IRAG2: variants seen among roughly 807,000 people sequenced by gnomAD.
IRAG2 encodes the protein inositol 1,4,5-triphosphate receptor associated 2.
A neutral mutation model predicts 69.9 loss-of-function variants in IRAG2; 45 were observed. The observed-to-expected ratio is 0.64, with a 90% CI of 0.51 to 0.83. IRAG2 has a LOEUF of 0.83. Ranked by LOEUF, IRAG2 falls within the 40% of genes least tolerant of loss-of-function variation. The probability of loss-of-function intolerance (pLI) is 0.00; values close to 1 mark genes in which losing one functional copy is unlikely to be tolerated. For missense variants in IRAG2, 520 were observed against 587.0 expected, an observed-to-expected ratio of 0.89 and a Z score of 1.18; for synonymous variants, 193 against 202.4, an observed-to-expected ratio of 0.95 and a Z score of 0.40.
At chr12:25,000,826 A>G (rs939709682), upstream of IRAG2, among the ~76,000 whole-genome samples, 12 of 152,322 alleles carry the variant, frequency 7.9e-5, no homozygotes, top group East Asian at 1.9e-3. Flanking sequence ...AGTACAATTC[A>G]CTTTCAGTTC....
intron 16 of IRAG2, among the ~76,000 whole-genome samples, chr12:25,040,351 T>A (rs2883033): frequency 0.3 from 44,955 of 151,912 alleles, 6,854 homozygotes; most frequent in South Asian, 0.42. Flanking sequence ...CTAAAAAAAA[T>A]TTTAAATGAG....
At chr12:25,004,565 A>G in exon 1 of IRAG2, 1 of 1,232,150 alleles carries the variant, frequency 8.1e-7, no homozygotes, top group South Asian at 4.1e-5. Flanking sequence ...CCCGGCTCTC[A>G]TTGGTCAAGT....
At chr12:25,000,445 C>CAA (rs111687844), upstream of IRAG2, among the ~76,000 whole-genome samples, 9 of 150,094 alleles carry the variant, frequency 6.0e-5, no homozygotes, top group African/African-American at 1.5e-4. Context: ...GGCACCATAT[C>CAA]AAAAAAAAAT....
rs111417013 is a variant in IRAG2, at chr12:25,015,432, A to C, written c.1055+4A>C. On this transcript the variant is annotated splice_donor_region_variant and intron_variant, in intron 5 of 38. Coordinates refer to the IRAG2 transcript ENST00000636465. ...GAGAAACATCTAAAGGAGTCTTGTA[A>C]GCCTTCTTACTCTGCTTTCGCAAGT... 1.6e-5 allele frequency: 20 copies of C among 1,230,750 alleles called. No homozygotes were observed. The African/African-American group carries it at 2.3e-4, about 14-fold the overall frequency. The allele number at this position is 1,230,750 out of a possible 1,614,324, so 76.2% of individuals were successfully genotyped here. A position where few individuals can be genotyped will look rare whatever the true frequency, so the allele number is the denominator to read the frequency against.
chr12:25,041,176 C>T (rs1202540352), intron 16 of IRAG2, among the ~76,000 whole-genome samples: 7 of 152,036 alleles, frequency 4.6e-5, no homozygotes, highest in East Asian at 1.9e-4. Flanking sequence ...AGCAAGAAGC[C>T]GCCATGGCTG....
intron 15 of IRAG2, among the ~76,000 whole-genome samples, chr12:25,099,561 C>G (rs981698284): frequency 3.9e-5 from 6 of 152,092 alleles, no homozygotes; most frequent in Non-Finnish European, 8.8e-5. Context: ...TGCTTCCATC[C>G]AATTCCAATC....
intron 7 of IRAG2, among the ~76,000 whole-genome samples, chr12:25,022,919 A>T (rs558130583): frequency 6.6e-6 from 1 of 152,318 alleles, no homozygotes; most frequent in South Asian, 2.1e-4. Context: ...TGGGGTCAGG[A>T]GTTCGAGGCC....
chr12:25,107,796 C>T, intron 21 of IRAG2, 21 bp from the exon 22 acceptor site: 1 of 1,599,408 alleles, frequency 6.3e-7, no homozygotes, highest in Non-Finnish European at 8.6e-7. Flanking sequence ...TTACCAAATT[C>T]TATTTGTGTT....
intron 4 of IRAG2, among the ~76,000 whole-genome samples, chr12:25,064,260 T>G (rs573857566): frequency 6.6e-6 from 1 of 152,142 alleles, no homozygotes; most frequent in African/African-American, 2.4e-5. Context: ...TTAGTTGGCT[T>G]TGGAAAAGCA....
At chr12:25,049,709 G>A (rs529522307), upstream of IRAG2, among the ~76,000 whole-genome samples, 11 of 152,176 alleles carry the variant, frequency 7.2e-5, no homozygotes, top group East Asian at 1.9e-4. Flanking sequence ...AAAGACGGCC[G>A]GATGCGGTGG....
chr12:25,012,178 G>A lies in IRAG2; in HGVS notation c.896+627G>A, dbSNP rs368211668. 1.5e-3 allele frequency among the ~76,000 whole-genome samples: 203 copies of A among 135,894 alleles called. 2 individuals carry two copies. Among genetic ancestry groups the A allele is most frequent in the African/African-American group, 5.5e-3 (194 of 35,340 alleles). 89.2% of individuals were successfully genotyped at this position (135,894 alleles called of 152,430 possible). A position where few individuals can be genotyped will look rare whatever the true frequency, so the allele number is the denominator to read the frequency against. On this transcript the variant is annotated intron_variant, in intron 3 of 38. Coordinates refer to the IRAG2 transcript ENST00000636465. ...TTTTTTTTTTTTTTTTTTCTGAGAC[G>A]GAGTTTCACTCTGTTGCCCAGGCTG...
intron 20 of IRAG2, among the ~76,000 whole-genome samples, chr12:25,105,530 CAAAT>C (rs1949020280): frequency 6.6e-6 from 1 of 152,028 alleles, no homozygotes; most frequent in Non-Finnish European, 1.5e-5. Context: ...GTGCAATCCT[CAAAT>C]AATCTGTTTT....
chr12:25,082,038 G>C (rs1947250685), intron 9 of IRAG2, among the ~76,000 whole-genome samples: 1 of 152,032 alleles, frequency 6.6e-6, no homozygotes, highest in African/African-American at 2.4e-5. Flanking sequence ...GGGACTACGG[G>C]TGCAAGCCAC....
intron 8 of IRAG2, chr12:25,026,680 A>G (rs1944624551): frequency 6.7e-6 from 3 of 446,900 alleles, no homozygotes; most frequent in African/African-American, 4.0e-5. Flanking sequence ...TGGAAGATAA[A>G]AAGGCAATAC....
chr12:25,053,223 A>T (rs2139889162), intron 1 of IRAG2, among the ~76,000 whole-genome samples: 1 of 151,522 alleles, frequency 6.6e-6, no homozygotes, highest in South Asian at 2.1e-4. Flanking sequence ...AAAATTAATT[A>T]AAACTTCTCA....
chr12:25,106,291 G>A (rs368630014), intron 20 of IRAG2, among the ~76,000 whole-genome samples: 8 of 148,398 alleles, frequency 5.4e-5, no homozygotes, highest in South Asian at 2.1e-4. Flanking sequence ...ATACACACAC[G>A]CACACACAGG....
intron 4 of IRAG2, among the ~76,000 whole-genome samples, chr12:25,065,059 C>T (rs980182767): frequency 2.5e-4 from 38 of 150,812 alleles, no homozygotes; most frequent in African/African-American, 9.3e-4. Context: ...CATCACATTC[C>T]AGCCTGGGTG....
At chr12:25,015,416 C>T (rs2139827341) in exon 5 of IRAG2, 1 of 1,231,778 alleles carries the variant, frequency 8.1e-7, no homozygotes, top group African/African-American at 1.5e-5. Context: ...GGAGAAACAT[C>T]TAAAGGAGTC....
chr12:25,049,475 TTAGAAAA>T (rs1944823122), upstream of IRAG2, among the ~76,000 whole-genome samples: 1 of 151,962 alleles, frequency 6.6e-6, no homozygotes, highest in Non-Finnish European at 1.5e-5. Flanking sequence ...GGGTTAATAT[TTAGAAAA>T]TATAAGAAAC....
Sources: gnomAD v4.1 joint callset for allele counts (sites outside exome capture counted in the v4.1 genomes callset) on GRCh38, gnomAD v4.1.1 for gene constraint, MANE v1.5 for transcripts, NCBI Gene and HGNC (gene_info 2026-07-23, HGNC 2026-07-21) for gene names.